PRKG1: variants seen among roughly 807,000 people sequenced by gnomAD.
PRKG1 encodes protein kinase cGMP-dependent 1.
Under a neutral mutation model 88.1 loss-of-function variants are expected in PRKG1, and 35 were observed. That is an observed-to-expected ratio of 0.40 (90% confidence interval 0.30 to 0.53). The LOEUF is 0.53. PRKG1 is among the 20% of genes least tolerant of loss of function. The pLI, the probability that PRKG1 is intolerant of heterozygous loss-of-function variation, is 0.59. For synonymous variants in PRKG1, 303 were observed against 292.5 expected (o/e 1.04, Z -0.37); for missense variants, 540 against 839.8 (o/e 0.64, Z 4.41).
intron 1 of PRKG1, among the ~76,000 whole-genome samples, chr10:51,049,985 C>T (rs1470387944): frequency 6.6e-6 from 1 of 151,962 alleles, no homozygotes; most frequent in African/African-American, 2.4e-5. Flanking sequence ...TGTGGAAACT[C>T]CAGTTTCCTT....
chr10:52,280,133 T>C (rs1157485836), intron 12 of PRKG1, among the ~76,000 whole-genome samples: 1 of 152,128 alleles, frequency 6.6e-6, no homozygotes, highest in Non-Finnish European at 1.5e-5. Context: ...TTTGTAATTG[T>C]CTTTTAGTCC....
chr10:51,853,422 G>A (rs540799178), intron 4 of PRKG1, among the ~76,000 whole-genome samples: 1 of 152,180 alleles, frequency 6.6e-6, no homozygotes, highest in South Asian at 2.1e-4. Flanking sequence ...TTGCATAAAC[G>A]AAAACACCTG....
chr10:51,252,826 G>A (rs2132144259), intron 2 of PRKG1, among the ~76,000 whole-genome samples: 1 of 151,918 alleles, frequency 6.6e-6, no homozygotes, highest in East Asian at 1.9e-4. Context: ...AACATATTAA[G>A]CTCCTGGTGT....
At chr10:51,697,971 C>T (rs760916445) in intron 3 of PRKG1, 23 of 1,604,232 alleles carry the variant, frequency 1.4e-5, no homozygotes, top group Admixed American at 1.2e-4. Flanking sequence ...CCCTGCATCC[C>T]TCCTCCTTGT....
At chr10:51,970,771 T>TATATCAG (rs1843694507) in intron 5 of PRKG1, among the ~76,000 whole-genome samples, 2 of 146,918 alleles carry the variant, frequency 1.4e-5, no homozygotes, top group African/African-American at 5.0e-5. Flanking sequence ...AGATTATATA[T>TATATCAG]ATATATCAGA....
At chr10:51,357,819 T>A (rs1025551139) in intron 2 of PRKG1, among the ~76,000 whole-genome samples, 1 of 151,896 alleles carries the variant, frequency 6.6e-6, no homozygotes, top group African/African-American at 2.4e-5. Context: ...GACTATAAAA[T>A]GAAATACTTT....
At chr10:51,874,988 C>A (rs975134943) in intron 4 of PRKG1, among the ~76,000 whole-genome samples, 1 of 152,138 alleles carries the variant, frequency 6.6e-6, no homozygotes, top group African/African-American at 2.4e-5. Context: ...CTCTCATAAG[C>A]CACTAGACCT....
chr10:51,331,622 T>C (rs1460175821), intron 2 of PRKG1, among the ~76,000 whole-genome samples: 2 of 152,128 alleles, frequency 1.3e-5, no homozygotes, highest in African/African-American at 2.4e-5. Context: ...TCATCATCAA[T>C]GTGTCTTTTC....
chr10:51,064,888 C>T (rs946250564), intron 1 of PRKG1, among the ~76,000 whole-genome samples: 1 of 151,712 alleles, frequency 6.6e-6, no homozygotes. Context: ...ATGGAGAAAG[C>T]AAAGCAAGAA....
At chr10:51,568,914 G>A (rs556243337) in intron 3 of PRKG1, 1 of 152,228 alleles carries the variant, frequency 6.6e-6, no homozygotes, top group African/African-American at 2.4e-5. Flanking sequence ...GTAGTAAGAA[G>A]TGGTGGCTAT....
rs1234898223 is a variant in PRKG1 at position 52,011,702 on chromosome 10, C to T, written c.763-42782C>T. On this transcript the variant is annotated intron_variant, in intron 5 of 17. Transcript: ENST00000373980. ...ACTGGTTGACAGAGCAGATTTTTAACATTGCCTCCATTTCTAGTCACCTCT... is the reference window on the plus strand; with the variant it reads ...ACTGGTTGACAGAGCAGATTTTTAATATTGCCTCCATTTCTAGTCACCTCT... 2.6e-5 allele frequency among the ~76,000 whole-genome samples: 4 copies of T among 152,266 alleles called. No individual in the cohort carries two copies. In the East Asian group the frequency reaches 5.8e-4, roughly 22 times the overall value.
intron 2 of PRKG1, among the ~76,000 whole-genome samples, chr10:51,243,555 T>C (rs573497211): frequency 1.2e-4 from 18 of 152,308 alleles, no homozygotes; most frequent in African/African-American, 4.3e-4. Flanking sequence ...CCTAAAGAAA[T>C]TGTTTTCCCT....
chr10:51,749,615 G>C (rs1032176208), intron 3 of PRKG1, among the ~76,000 whole-genome samples: 1 of 152,198 alleles, frequency 6.6e-6, no homozygotes, highest in Non-Finnish European at 1.5e-5. Context: ...TGGACAGGGA[G>C]GGTAAAATTG....
chr10:52,199,428 G>T (rs1363127550), intron 9 of PRKG1, among the ~76,000 whole-genome samples: 4 of 152,068 alleles, frequency 2.6e-5, no homozygotes, highest in Admixed American at 6.6e-5. Context: ...TAAATTGGCT[G>T]CCCTGGGTTA....
At chr10:51,857,461 A>T (rs570682781) in intron 4 of PRKG1, among the ~76,000 whole-genome samples, 2 of 152,130 alleles carry the variant, frequency 1.3e-5, no homozygotes, top group Non-Finnish European at 2.9e-5. Context: ...AGATTTCAGC[A>T]AACACTGATG....
intron 3 of PRKG1, among the ~76,000 whole-genome samples, chr10:51,786,527 A>C (rs1838733810): frequency 1.3e-5 from 2 of 152,034 alleles, no homozygotes; most frequent in African/African-American, 4.8e-5. Context: ...CTCTTCCCTC[A>C]CCACTAGGGC....
At chr10:51,325,915 G>C (rs1012811722) in intron 2 of PRKG1, among the ~76,000 whole-genome samples, 1 of 152,156 alleles carries the variant, frequency 6.6e-6, no homozygotes, top group African/African-American at 2.4e-5. Context: ...GCACCAGCCT[G>C]AGCCAAGGAG....
intron 7 of PRKG1, among the ~76,000 whole-genome samples, chr10:52,073,229 T>A (rs1846546300): frequency 2.0e-5 from 3 of 152,198 alleles, no homozygotes; most frequent in South Asian, 2.1e-4. Context: ...GGGCCCACCC[T>A]GATCCAGTAT....
intron 3 of PRKG1, among the ~76,000 whole-genome samples, chr10:51,715,442 T>C (rs10762325): frequency 0.56 from 85,329 of 151,860 alleles, 24,530 homozygotes; most frequent in Middle Eastern, 0.68. Flanking sequence ...GAATGAACAT[T>C]TGGAATCAAG....
Sources: gnomAD v4.1 joint callset for allele counts (sites outside exome capture counted in the v4.1 genomes callset) on GRCh38, gnomAD v4.1.1 for gene constraint, MANE v1.5 for transcripts, NCBI Gene and HGNC (gene_info 2026-07-23, HGNC 2026-07-21) for gene names.